Variants in PHF19 observed in about 807,000 individuals in gnomAD.
The protein encoded by PHF19 is polycomb like 3.
A neutral mutation model predicts 79.8 loss-of-function variants in PHF19; 21 were observed. The ratio of observed to expected loss-of-function variants is 0.26; its 90% confidence interval spans 0.19 to 0.38. The LOEUF (loss-of-function observed/expected upper bound fraction) is 0.38, where lower values mean the gene tolerates loss of function less well. Ranked by LOEUF, PHF19 falls within the 10% of genes least tolerant of loss-of-function variation. The probability of loss-of-function intolerance (pLI) is 1.00; values close to 1 mark genes in which losing one functional copy is unlikely to be tolerated. For missense variants in PHF19, 445 were observed against 744.2 expected, an observed-to-expected ratio of 0.60 and a Z score of 4.68; for synonymous variants, 273 against 296.3, an observed-to-expected ratio of 0.92 and a Z score of 0.81.
upstream of PHF19, among the ~76,000 whole-genome samples, chr9:120,879,747 G>T (rs1184706149): frequency 6.6e-6 from 1 of 152,196 alleles, no homozygotes; most frequent in Non-Finnish European, 1.5e-5. Flanking sequence ...GTAGCAATCA[G>T]TTAGGTTGTG....
At position 120,874,580 on chromosome 9, in the gene PHF19, C is replaced by T; in HGVS notation, c.162G>A (p.Leu54=). The change falls in exon 2 of 15, where the codon CTG becomes CTA. Residue 54 remains leucine, a synonymous_variant. Transcript: ENST00000373896. The surrounding 1 kb of genome is among the most constrained non-coding windows in gnomAD (Gnocchi z 4.5). ...CCCTCTTGATCTTCCCGAGGTAGTA[C>T]AGGCCATCTGTCCACCGGCACAGCA... ...QYVLCRWTDG[L]YYLGKIKRVS... The T allele has an allele frequency of 1.2e-6, 2 of 1,612,628 alleles. No individual in the cohort carries two copies. Among genetic ancestry groups the T allele is most frequent in the Non-Finnish European group, 1.7e-6 (2 of 1,178,644 alleles).
intron 9 of PHF19, among the ~76,000 whole-genome samples, chr9:120,865,185 G>C (rs1223796794): frequency 2.0e-5 from 3 of 152,190 alleles, no homozygotes; most frequent in African/African-American, 7.2e-5. Flanking sequence ...GGATTCTAAG[G>C]ATGTCATTAG....
intron 14 of PHF19, 126 bp downstream of exon 14, chr9:120,859,964 C>G: frequency 1.5e-6 from 1 of 651,380 alleles, no homozygotes; most frequent in Non-Finnish European, 2.8e-6. Flanking sequence ...TGCAGAAGGC[C>G]AGGTACTCCC....
the PHF19 span, chr9:120,902,880 C>G: frequency 6.6e-6 from 1 of 152,212 alleles, no homozygotes; most frequent in Non-Finnish European, 1.5e-5. Context: ...ACACAGTTAA[C>G]AGGTGCAGGT....
chr9:120,883,812 G>A (rs924320652), intron 1 of PHF19, among the ~76,000 whole-genome samples: 2 of 151,674 alleles, frequency 1.3e-5, no homozygotes, highest in Non-Finnish European at 2.9e-5. Context: ...CTAGGGGGTG[G>A]GGCTAGGGGG....
At chr9:120,884,372 A>G (rs1286998185) in intron 1 of PHF19, among the ~76,000 whole-genome samples, 1 of 151,998 alleles carries the variant, frequency 6.6e-6, no homozygotes, top group Admixed American at 6.6e-5. Flanking sequence ...CGTGAGGTGG[A>G]TGAGCTCCTG....
At chr9:120,902,832 C>A in the PHF19 span, 1 of 152,214 alleles carries the variant, frequency 6.6e-6, no homozygotes, top group African/African-American at 2.4e-5. Flanking sequence ...TTTCTTGAGT[C>A]CAGAGTGCAC....
At position 120,870,072 on chromosome 9, in the gene PHF19, G is replaced by A. The variant is rs1327602149; in HGVS notation, c.365-127C>T. On this transcript the variant is annotated intron_variant, in intron 4 of 14. Coordinates refer to ENST00000373896, the MANE Select transcript of PHF19 (RefSeq NM_015651.3). The surrounding 1 kb of genome is among the most constrained non-coding windows in gnomAD (Gnocchi z 4.4). ...GAGCTCTGCCTGCCAGCTGCCGGGA[G>A]CCTGGCTGCTGGTGCCCACCAAGAT... 3 of 1,364,634 alleles carry A rather than the reference G, an allele frequency of 2.2e-6. No individual in the cohort carries two copies. The highest frequency in any genetic ancestry group is 2.0e-6 in the Non-Finnish European group (2 of 1,016,412). The allele number at this position is 1,364,634 out of a possible 1,614,324, so 84.5% of individuals were successfully genotyped here.
intron 1 of PHF19, among the ~76,000 whole-genome samples, chr9:120,882,819 G>A (rs1217764228): frequency 6.4e-5 from 9 of 141,024 alleles, no homozygotes; most frequent in African/African-American, 2.4e-4. Flanking sequence ...TCCAGCCTGG[G>A]TGACAAGAGC....
At chr9:120,877,379 GCGCCGGCCTCGCCATTGGAGCCCGCGGC>G, upstream of PHF19, 2 of 979,970 alleles carry the variant, frequency 2.0e-6, no homozygotes, top group South Asian at 4.7e-5. Context: ...AGCGGGGGCC[GCGCCGGCCTCGCCATTGGAGCCCGCGGC>G]CGCCGGGCTC....
upstream of PHF19, among the ~76,000 whole-genome samples, chr9:120,897,896 T>C (rs7031324): frequency 0.17 from 25,566 of 150,300 alleles, 3,628 homozygotes; most frequent in African/African-American, 0.39. Context: ...GGAGACCTAC[T>C]TGAGCCTGGA....
At chr9:120,885,241 C>G (rs1202915557) in intron 1 of PHF19, among the ~76,000 whole-genome samples, 1 of 152,122 alleles carries the variant, frequency 6.6e-6, no homozygotes, top group African/African-American at 2.4e-5. Flanking sequence ...CCTTCCAAGT[C>G]AAGTTTTCCA....
upstream of PHF19, among the ~76,000 whole-genome samples, chr9:120,896,482 C>T (rs1475173529): frequency 3.5e-5 from 4 of 112,848 alleles, no homozygotes; most frequent in Non-Finnish European, 6.7e-5. Flanking sequence ...GACGGAGTTT[C>T]GCTCTGTCGC....
At chr9:120,900,881 G>A in the PHF19 span, among the ~76,000 whole-genome samples, 1 of 152,206 alleles carries the variant, frequency 6.6e-6, no homozygotes, top group Non-Finnish European at 1.5e-5. Flanking sequence ...TTTCTATAAT[G>A]AGTATGTGTC....
At chr9:120,863,637 T>G (rs2045604252) in intron 10 of PHF19, among the ~76,000 whole-genome samples, 1 of 151,946 alleles carries the variant, frequency 6.6e-6, no homozygotes, top group East Asian at 1.9e-4. Context: ...CATGCCTCTG[T>G]GGTGTAGTGA....
upstream of PHF19, among the ~76,000 whole-genome samples, chr9:120,878,255 A>G (rs114820821): frequency 3.4e-3 from 511 of 152,354 alleles, no homozygotes; most frequent in African/African-American, 0.011. Context: ...AATGAAAGAC[A>G]ACATGCACAG....
At chr9:120,872,689 CTT>C (rs199811441) in intron 3 of PHF19, among the ~76,000 whole-genome samples, 6 of 141,048 alleles carry the variant, frequency 4.3e-5, no homozygotes, top group Admixed American at 1.4e-4. Context: ...TTTTTCTTTT[CTT>C]TTTTTTTTTT....
chr9:120,858,896 A>C (rs1280326735), intron 14 of PHF19, among the ~76,000 whole-genome samples: 1 of 152,080 alleles, frequency 6.6e-6, no homozygotes, highest in Admixed American at 6.6e-5. Context: ...ACACAGGACA[A>C]GGCACAGATT....
rs1208525519 is a variant in PHF19, at chr9:120,874,124, T to C, written c.187-64A>G. 1.2e-5 allele frequency: 10 copies of C among 836,476 alleles called. No homozygotes were observed. The highest frequency in any genetic ancestry group is 2.0e-5 in the Non-Finnish European group (10 of 494,742). The allele number at this position is 836,476 out of a possible 1,614,324, so 51.8% of individuals were successfully genotyped here. On this transcript the variant is annotated intron_variant, in intron 2 of 14. Transcript: ENST00000373896. The surrounding 1 kb of genome is among the most constrained non-coding windows in gnomAD (Gnocchi z 4.5). ...GGGGAAAAGCCAACCTGGAACATAGTCTTCCTCCCCCATTTTTGTCTCCGT... is the reference window on the plus strand; with the variant it reads ...GGGGAAAAGCCAACCTGGAACATAGCCTTCCTCCCCCATTTTTGTCTCCGT...
Sources: allele counts gnomAD v4.1 joint callset (sites outside exome capture counted in the v4.1 genomes callset), GRCh38; gene constraint gnomAD v4.1.1; non-coding constraint Gnocchi (gnomAD v3.1); transcripts MANE v1.5; gene names NCBI Gene and HGNC (gene_info 2026-07-23, HGNC 2026-07-21).